The following RBFOX1 variants were observed in gnomAD, a reference collection of about 807,000 sequenced individuals.
The protein encoded by RBFOX1 is RNA binding protein fox-1 homolog 1.
RBFOX1 carries 8 observed loss-of-function variants against 57.7 expected under a neutral mutation model. That is an observed-to-expected ratio of 0.14 (90% CI 0.08 to 0.25). The LOEUF (loss-of-function observed/expected upper bound fraction) is 0.25. RBFOX1 is among the 10% of genes least tolerant of loss of function. The pLI, the probability that RBFOX1 is intolerant of heterozygous loss-of-function variation, is 1.00. For synonymous variants in RBFOX1, 326 were observed against 222.4 expected (o/e 1.47, Z -4.15); for missense variants, 611 against 548.5 (o/e 1.11, Z -1.14).
chr16:6,191,182 G>A (rs1946127), intron 1 of RBFOX1, among the ~76,000 whole-genome samples: 84,968 of 148,338 alleles, frequency 0.57, 24,921 homozygotes, highest in East Asian at 0.65. Flanking sequence ...AACTACAGTC[G>A]CCTCCATTGC....
At chr16:6,441,382 G>C (rs758905207) in intron 2 of RBFOX1, among the ~76,000 whole-genome samples, 1 of 151,934 alleles carries the variant, frequency 6.6e-6, no homozygotes. Flanking sequence ...TGTCAGCTTC[G>C]TTTTATTTTC....
At chr16:7,138,251 A>G (rs2072605486) in intron 4 of RBFOX1, among the ~76,000 whole-genome samples, 1 of 152,196 alleles carries the variant, frequency 6.6e-6, no homozygotes, top group African/African-American at 2.4e-5. Context: ...AAGATTGCTG[A>G]GAGGGTGCAG....
chr16:7,245,902 T>C (rs1228940212), intron 4 of RBFOX1, among the ~76,000 whole-genome samples: 1 of 152,174 alleles, frequency 6.6e-6, no homozygotes, highest in Non-Finnish European at 1.5e-5. Flanking sequence ...AAATAGATAT[T>C]CAATTCTCCC....
chr16:5,729,396 C>CTTTTTTTTTTT (rs71142649), intron 3 of RBFOX1, among the ~76,000 whole-genome samples: 1 of 111,480 alleles, frequency 9.0e-6, no homozygotes, highest in Non-Finnish European at 1.8e-5. Flanking sequence ...TTTTTCTTTT[C>CTTTTTTTTTTT]TTTTTTTTTT....
intron 4 of RBFOX1, among the ~76,000 whole-genome samples, chr16:7,514,964 T>C (rs2076034665): frequency 6.6e-6 from 1 of 152,220 alleles, no homozygotes; most frequent in Admixed American, 6.5e-5. Flanking sequence ...GATCATTGTC[T>C]GTACCACTGC....
At chr16:5,318,285 C>T (rs1055119513) in intron 1 of RBFOX1, among the ~76,000 whole-genome samples, 10 of 152,090 alleles carry the variant, frequency 6.6e-5, no homozygotes, top group Non-Finnish European at 1.2e-4. Context: ...TTCACCACCA[C>T]ACCCGGCTGA....
intron 4 of RBFOX1, among the ~76,000 whole-genome samples, chr16:5,897,198 G>A (rs979224010): frequency 4.0e-5 from 6 of 151,560 alleles, no homozygotes; most frequent in Non-Finnish European, 8.8e-5. Context: ...ACCGCGCCCG[G>A]CTAATTTTTT....
intron 4 of RBFOX1, among the ~76,000 whole-genome samples, chr16:7,317,166 G>C (rs915613944): frequency 6.6e-5 from 10 of 152,104 alleles, no homozygotes; most frequent in African/African-American, 2.4e-4. Flanking sequence ...ATGGTCGCTT[G>C]GACTAGGAGT....
At chr16:5,345,403 G>A (rs2065119074) in intron 1 of RBFOX1, among the ~76,000 whole-genome samples, 1 of 152,118 alleles carries the variant, frequency 6.6e-6, no homozygotes, top group South Asian at 2.1e-4. Flanking sequence ...CCCAACTAAA[G>A]CCCTCGTGCA....
chr16:5,339,470 G>GTTTTTTTTTTTTTTTTT lies in RBFOX1; in HGVS notation c.219+99379_219+99395dup, dbSNP rs560472298. On this transcript the variant is annotated intron_variant, in intron 1 of 2. Transcript: ENST00000585867. Reference sequence around the variant, plus strand: ...AAAAGCTAGAAGCTGCTTTTTCCGTGTTTTTTTTTTTTTTTTTTTTTTTTT... The same window carrying GTTTTTTTTTTTTTTTTT: ...AAAAGCTAGAAGCTGCTTTTTCCGTGTTTTTTTTTTTTTTTTTTTTTTTTTTTTTTTTTTTTTTTTTT... 4.9e-3 allele frequency among the ~76,000 whole-genome samples: 201 copies of GTTTTTTTTTTTTTTTTT among 40,886 alleles called. 63 individuals are homozygous for GTTTTTTTTTTTTTTTTT. Among genetic ancestry groups the GTTTTTTTTTTTTTTTTT allele is most frequent in the South Asian group, 6.0e-3 (3 of 496 alleles). The allele number at this position is 40,886 out of a possible 152,430, so 26.8% of individuals were successfully genotyped here. A position where few individuals can be genotyped will look rare whatever the true frequency, so the allele number is the denominator to read the frequency against.
intron 3 of RBFOX1, among the ~76,000 whole-genome samples, chr16:5,858,300 T>A (rs1200611006): frequency 6.6e-6 from 1 of 152,194 alleles, no homozygotes; most frequent in East Asian, 1.9e-4. Flanking sequence ...CCCTTCTTCA[T>A]AATTAAGCTT....
intron 4 of RBFOX1, among the ~76,000 whole-genome samples, chr16:7,348,856 C>T (rs111589415): frequency 0.098 from 14,934 of 152,082 alleles, 821 homozygotes; most frequent in Middle Eastern, 0.11. Context: ...GCAGGAGAAT[C>T]CCTTGAACCC....
At chr16:7,064,898 C>G (rs940051552) in intron 4 of RBFOX1, among the ~76,000 whole-genome samples, 26 of 152,290 alleles carry the variant, frequency 1.7e-4, no homozygotes, top group African/African-American at 6.3e-4. Flanking sequence ...ATGATACTCC[C>G]TCTGTATGTG....
At chr16:5,703,469 G>A (rs377099298) in intron 3 of RBFOX1, among the ~76,000 whole-genome samples, 1 of 152,184 alleles carries the variant, frequency 6.6e-6, no homozygotes, top group African/African-American at 2.4e-5. Flanking sequence ...GGCATGAGGC[G>A]AAGCCAGAGT....
intron 3 of RBFOX1, among the ~76,000 whole-genome samples, chr16:6,927,306 G>T (rs920487910): frequency 7.3e-5 from 11 of 151,022 alleles, no homozygotes; most frequent in African/African-American, 9.8e-5. Flanking sequence ...TCAGCTACTT[G>T]GGAGGTTGAG....
At chr16:5,856,146 T>C (rs1464946352) in intron 3 of RBFOX1, among the ~76,000 whole-genome samples, 1 of 130,172 alleles carries the variant, frequency 7.7e-6, no homozygotes. Flanking sequence ...CAGGAGTCTT[T>C]ATGGTTCTCT....
intron 3 of RBFOX1, among the ~76,000 whole-genome samples, chr16:6,695,200 G>A (rs1442224236): frequency 5.3e-5 from 8 of 151,950 alleles, no homozygotes; most frequent in African/African-American, 1.4e-4. Context: ...CGGTTGGGTC[G>A]CCTGATGTCA....
At chr16:6,041,777 A>G (rs1165858891) in intron 1 of RBFOX1, among the ~76,000 whole-genome samples, 1 of 152,216 alleles carries the variant, frequency 6.6e-6, no homozygotes, top group Non-Finnish European at 1.5e-5. Flanking sequence ...AACATCTTCC[A>G]GTTGCCTCTC....
intron 4 of RBFOX1, among the ~76,000 whole-genome samples, chr16:7,105,749 C>T (rs1052670345): frequency 8.0e-5 from 12 of 149,090 alleles, no homozygotes; most frequent in Admixed American, 6.8e-4. Flanking sequence ...GATTCAGTCA[C>T]AGAGATATAT....
Sources: gnomAD v4.1 joint callset for allele counts (sites outside exome capture counted in the v4.1 genomes callset) on GRCh38, gnomAD v4.1.1 for gene constraint, MANE v1.5 for transcripts, NCBI Gene and HGNC (gene_info 2026-07-23, HGNC 2026-07-21) for gene names.